The following KIF6 variants were observed in gnomAD, a reference collection of about 807,000 sequenced individuals.
KIF6 encodes the protein kinesin-like protein KIF6.
KIF6 carries 106 observed loss-of-function variants against 112.7 expected under a neutral mutation model. The observed-to-expected ratio is 0.94, with a 90% CI of 0.80 to 1.11. The LOEUF is 1.11. Ranked by LOEUF, KIF6 falls within the 50% of genes least tolerant of loss-of-function variation. The pLI is 0.00. For synonymous variants in KIF6, 339 were observed against 339.9 expected, an observed-to-expected ratio of 1.00 and a Z score of 0.03; for missense variants, 929 against 964.0, an observed-to-expected ratio of 0.96 and a Z score of 0.48.
chr6:39,649,736 AGAAAG>A (rs1156640795), intron 3 of KIF6, among the ~76,000 whole-genome samples: 1 of 97,436 alleles, frequency 1.0e-5, no homozygotes, highest in Non-Finnish European at 2.6e-5. Flanking sequence ...AAAGAAAGAA[AGAAAG>A]AAAGAAAGAA....
chr6:39,435,294 A>T (rs1442322401), intron 13 of KIF6, among the ~76,000 whole-genome samples: 1 of 152,216 alleles, frequency 6.6e-6, no homozygotes, highest in Admixed American at 6.5e-5. Flanking sequence ...TATGTTTTTT[A>T]CTACCTGCAT....
At chr6:39,516,258 T>C (rs1407059589) in intron 13 of KIF6, among the ~76,000 whole-genome samples, 1 of 151,776 alleles carries the variant, frequency 6.6e-6, no homozygotes, top group Non-Finnish European at 1.5e-5. Flanking sequence ...TGAAAAAATA[T>C]CCAGATACAG....
chr6:39,624,619 T>G (rs1344903227), intron 5 of KIF6, among the ~76,000 whole-genome samples: 2 of 152,208 alleles, frequency 1.3e-5, no homozygotes, highest in Non-Finnish European at 2.9e-5. Flanking sequence ...ATACACAGTT[T>G]AGAATGTGTA....
intron 16 of KIF6, among the ~76,000 whole-genome samples, chr6:39,382,023 C>G (rs568306320): frequency 4.6e-5 from 7 of 152,178 alleles, no homozygotes; most frequent in African/African-American, 7.2e-5. Flanking sequence ...AGGACCATCC[C>G]TGGGAGGGGT....
chr6:39,534,075 C>T (rs550561175), intron 13 of KIF6, among the ~76,000 whole-genome samples: 1 of 152,272 alleles, frequency 6.6e-6, no homozygotes, highest in African/African-American at 2.4e-5. Context: ...TCAGCATCAT[C>T]AAAGACCAAA....
intron 15 of KIF6, among the ~76,000 whole-genome samples, chr6:39,409,110 C>T (rs1214216571): frequency 2.0e-5 from 3 of 152,100 alleles, no homozygotes; most frequent in African/African-American, 7.2e-5. Context: ...AATAATAGTG[C>T]CTCTATCAAA....
chr6:39,540,174 C>A lies in KIF6; in HGVS notation c.1474G>T (p.Ala492Ser). Residue 492 changes from alanine to serine, a missense_variant, in exon 13 of 23, where the codon GCT becomes TCT. Ala to Ser is a moderately conservative substitution (Grantham distance 99). Transcript: ENST00000287152. Reference protein sequence around the residue: ...LKKEKKKAQEALHLAGMDRRE... With the variant: ...LKKEKKKAQESLHLAGMDRRE... The stretch of plus-strand genomic sequence containing the variant: ...CTATCCATGCCAGCCAAGTGGAGAG[C>A]CTCCTGAGCTTTCTTCTTTTCTTTT... The A allele has an allele frequency of 6.2e-7, 1 of 1,613,528 alleles. No individual in the cohort carries two copies. The highest frequency in any genetic ancestry group is 8.5e-7 in the Non-Finnish European group (1 of 1,179,924).
At chr6:39,545,820 T>C in intron 10 of KIF6, 132 bp from the exon 11 acceptor site, 1 of 542,812 alleles carries the variant, frequency 1.8e-6, no homozygotes. Flanking sequence ...CAGATTTGAG[T>C]ATAAAAATTA....
intron 14 of KIF6, among the ~76,000 whole-genome samples, chr6:39,423,752 C>T (rs1001395293): frequency 6.6e-6 from 1 of 152,122 alleles, no homozygotes; most frequent in African/African-American, 2.4e-5. Context: ...TTGCCCCTCT[C>T]TCCATTAGCG....
Position 39,634,933 on chromosome 6 carries a change from T to C in KIF6, c.425A>G (p.His142Arg). 1.9e-6 allele frequency: 3 copies of C among 1,609,742 alleles called. No homozygotes were observed. The highest frequency in any genetic ancestry group is 1.7e-5 in the Admixed American group (1 of 59,934). ...QKDSSKIYTT[H>R]ISYLEIYNEC... ...ATTGTAGATTTCCAAATAGGAAATG[T>C]GTGTTGTATATATTTTGCTGCTGTC... Residue 142 changes from histidine to arginine, a missense_variant, in exon 5 of 23, where the codon CAC becomes CGC. This residue lies in a region of KIF6 where 688 missense variants were observed against 662.7 expected (regional missense o/e 1.04). Transcript: ENST00000287152.
intron 13 of KIF6, among the ~76,000 whole-genome samples, chr6:39,539,145 C>A (rs767668620): frequency 3.8e-4 from 57 of 150,768 alleles, no homozygotes; most frequent in Non-Finnish European, 6.6e-4. Context: ...TGCAGCACAC[C>A]AGCATGGCAC....
At chr6:39,412,895 A>G (rs780163012) in intron 15 of KIF6, among the ~76,000 whole-genome samples, 1 of 152,092 alleles carries the variant, frequency 6.6e-6, no homozygotes, top group Non-Finnish European at 1.5e-5. Context: ...ATCTCTGCAC[A>G]TGATGCTCAT....
chr6:39,710,160 G>A (rs1355247426), intron 3 of KIF6, among the ~76,000 whole-genome samples: 2 of 152,148 alleles, frequency 1.3e-5, no homozygotes, highest in Non-Finnish European at 1.5e-5. Context: ...ATTCACTGGT[G>A]CAGTACATGT....
At chr6:39,597,354 A>G (rs754357215) in intron 6 of KIF6, among the ~76,000 whole-genome samples, 3 of 152,202 alleles carry the variant, frequency 2.0e-5, no homozygotes, top group Non-Finnish European at 2.9e-5. Context: ...ATAACAATAA[A>G]AGGGGACTTT....
At chr6:39,699,846 C>G (rs994284434) in intron 3 of KIF6, among the ~76,000 whole-genome samples, 6 of 152,146 alleles carry the variant, frequency 3.9e-5, no homozygotes, top group African/African-American at 1.4e-4. Context: ...ACTGATCACA[C>G]AAATTTCCTC....
At chr6:39,537,159 A>G (rs2150556358) in intron 13 of KIF6, among the ~76,000 whole-genome samples, 1 of 152,300 alleles carries the variant, frequency 6.6e-6, no homozygotes, top group South Asian at 2.1e-4. Context: ...CTGGCACAAG[A>G]CAGGGATGCC....
intron 3 of KIF6, among the ~76,000 whole-genome samples, chr6:39,711,180 G>C (rs1789530066): frequency 8.9e-6 from 1 of 112,128 alleles, no homozygotes; most frequent in South Asian, 2.7e-4. Flanking sequence ...CTGACTGAGA[G>C]ATAAGAATAC....
At chr6:39,539,972 A>G (rs376298251) in intron 13 of KIF6, 31 bp downstream of exon 13, 2 of 1,518,816 alleles carry the variant, frequency 1.3e-6, no homozygotes, top group East Asian at 4.5e-5. Context: ...ATTACAGACA[A>G]TGAGAAATAC....
rs543517333 is a variant in KIF6, at chr6:39,333,644, T to C, written c.*2888A>G. ...AAGCTTTGGATGTGTAATTCTATAC[T>C]GGTGGTGAAGAATTAAAATGATGTA... On this transcript the variant is annotated 3_prime_UTR_variant, in exon 23 of 23. Transcript: ENST00000287152. 7 of 152,384 alleles carry C rather than the reference T, an allele frequency of 4.6e-5. No homozygotes were observed. Among genetic ancestry groups the C allele is most frequent in the Middle Eastern group, 6.8e-3 (2 of 294 alleles). 9.4% of individuals were successfully genotyped at this position (152,384 alleles called of 1,614,324 possible). A position where few individuals can be genotyped will look rare whatever the true frequency, so the allele number is the denominator to read the frequency against.
Sources: allele counts gnomAD v4.1 joint callset (sites outside exome capture counted in the v4.1 genomes callset), GRCh38; gene constraint gnomAD v4.1.1; regional missense constraint gnomAD v4.1.1; transcripts MANE v1.5; gene names NCBI Gene and HGNC (gene_info 2026-07-23, HGNC 2026-07-21).